The following SNTG1 variants were observed in gnomAD, a reference collection of about 807,000 sequenced individuals.
SNTG1 encodes syntrophin gamma 1.
A neutral mutation model predicts 74.7 loss-of-function variants in SNTG1; 39 were observed. The ratio of observed to expected loss-of-function variants is 0.52; its 90% confidence interval spans 0.40 to 0.68. The LOEUF is 0.68. SNTG1 is among the 30% of genes least tolerant of loss of function. The probability of loss-of-function intolerance (pLI) is 0.00; values close to 1 mark genes in which losing one functional copy is unlikely to be tolerated. For missense variants in SNTG1, 685 were observed against 609.5 expected (o/e 1.12, Z -1.30); for synonymous variants, 254 against 217.1 (o/e 1.17, Z -1.49).
intron 3 of SNTG1, among the ~76,000 whole-genome samples, 165 bp downstream of exon 3, chr8:50,394,430 A>T (rs1338611967): frequency 6.6e-6 from 1 of 152,160 alleles, no homozygotes; most frequent in Non-Finnish European, 1.5e-5. Context: ...AAGATAGAAA[A>T]CCTAACTGTG....
intron 2 of SNTG1, among the ~76,000 whole-genome samples, chr8:50,390,077 C>G (rs7012727): frequency 0.69 from 102,698 of 149,746 alleles, 35,444 homozygotes; most frequent in East Asian, 0.84. Flanking sequence ...TGCAGAAGCT[C>G]TTTACTTTAA....
intron 18 of SNTG1, among the ~76,000 whole-genome samples, chr8:50,775,495 C>T (rs1017534436): frequency 1.3e-5 from 2 of 151,650 alleles, no homozygotes; most frequent in Non-Finnish European, 3.0e-5. Context: ...AACACACCTT[C>T]TATGACTTTA....
intron 2 of SNTG1, among the ~76,000 whole-genome samples, chr8:50,364,636 T>C (rs1377411833): frequency 1.3e-5 from 2 of 152,108 alleles, no homozygotes; most frequent in Non-Finnish European, 2.9e-5. Context: ...CATTATTATA[T>C]TGGCTGTAAA....
intron 13 of SNTG1, among the ~76,000 whole-genome samples, chr8:50,592,765 T>C (rs1315576846): frequency 6.6e-6 from 1 of 152,194 alleles, no homozygotes; most frequent in Non-Finnish European, 1.5e-5. Context: ...CAGATTTTAT[T>C]TCAATTATCT....
chr8:49,916,225 T>C (rs536699241), intron 1 of SNTG1, among the ~76,000 whole-genome samples: 17 of 151,712 alleles, frequency 1.1e-4, no homozygotes, highest in Middle Eastern at 3.4e-3. Flanking sequence ...CCAGAAACAG[T>C]CAAAAACATA....
intron 18 of SNTG1, chr8:50,762,468 T>C (rs1585731813): frequency 3.0e-6 from 1 of 327,884 alleles, no homozygotes; most frequent in East Asian, 7.5e-5. Context: ...TGTTTTGTAA[T>C]AAATAAGGCA....
chr8:50,708,587 A>G (rs1490156058), intron 16 of SNTG1: 2 of 288,394 alleles, frequency 6.9e-6, no homozygotes, highest in Non-Finnish European at 6.3e-6. Context: ...ATTATATACC[A>G]CCTTTATTGT....
At chr8:50,303,818 G>C (rs1375392863) in intron 2 of SNTG1, among the ~76,000 whole-genome samples, 1 of 152,058 alleles carries the variant, frequency 6.6e-6, no homozygotes, top group Non-Finnish European at 1.5e-5. Context: ...TCATTTCAGA[G>C]TCAAGAATTA....
At chr8:49,922,591 A>G (rs1806650914) in intron 1 of SNTG1, among the ~76,000 whole-genome samples, 1 of 152,024 alleles carries the variant, frequency 6.6e-6, no homozygotes, top group South Asian at 2.1e-4. Flanking sequence ...AGGAGGGACA[A>G]AGGAGATGAT....
chr8:49,959,734 T>C (rs1810511263), intron 1 of SNTG1, among the ~76,000 whole-genome samples: 1 of 152,208 alleles, frequency 6.6e-6, no homozygotes, highest in South Asian at 2.1e-4. Flanking sequence ...TTTGGGCTAT[T>C]ATGAATAATG....
chr8:50,430,744 T>C (rs988630035), intron 4 of SNTG1, among the ~76,000 whole-genome samples: 1 of 152,184 alleles, frequency 6.6e-6, no homozygotes, highest in Non-Finnish European at 1.5e-5. Flanking sequence ...AGGGTGTATA[T>C]GCTCCAGCAA....
chr8:50,430,569 C>A (rs529768474), intron 4 of SNTG1, among the ~76,000 whole-genome samples: 3 of 152,238 alleles, frequency 2.0e-5, no homozygotes, highest in African/African-American at 7.2e-5. Context: ...CCCCCACATG[C>A]TGAAGAAGCC....
At chr8:50,131,075 AAC>A (rs35688637) in intron 1 of SNTG1, among the ~76,000 whole-genome samples, 30,988 of 151,972 alleles carry the variant, frequency 0.2, 3,271 homozygotes, top group South Asian at 0.36. Flanking sequence ...GAGCATGAAA[AAC>A]ACAGAGAAAA....
At chr8:50,510,948 T>C (rs1388997154) in intron 9 of SNTG1, among the ~76,000 whole-genome samples, 1 of 152,086 alleles carries the variant, frequency 6.6e-6, no homozygotes, top group Non-Finnish European at 1.5e-5. Flanking sequence ...TATTTCTTGC[T>C]TTCTGCTAAC....
At position 50,374,119 on chromosome 8, in the gene SNTG1, T is replaced by C. The variant is rs79461788; in HGVS notation, c.-27-20093T>C. ...GGTGAAGGACCCTGAACAAAACACA[T>C]AGCCAATGGCATTCTGCCACAATTT... On this transcript the variant is annotated intron_variant, in intron 2 of 18. Coordinates refer to ENST00000642720, the MANE Select transcript of SNTG1 (RefSeq NM_018967.5). Among the ~76,000 whole-genome samples, 70 of 152,350 alleles carry C rather than the reference T, an allele frequency of 4.6e-4. No individual in the cohort carries two copies. The East Asian group carries it at 9.2e-3, about 20-fold the overall frequency.
chr8:50,245,734 A>T (rs866634445), intron 2 of SNTG1, among the ~76,000 whole-genome samples: 22 of 152,042 alleles, frequency 1.4e-4, no homozygotes, highest in African/African-American at 5.1e-4. Flanking sequence ...TGTAAAATAG[A>T]TGTAAAGTCC....
At chr8:49,911,382 C>T (rs1454832007), upstream of SNTG1, 2 of 151,892 alleles carry the variant, frequency 1.3e-5, no homozygotes, top group Admixed American at 1.3e-4. Flanking sequence ...TGTATGTGCG[C>T]GCCCCTGTGC....
intron 13 of SNTG1, among the ~76,000 whole-genome samples, chr8:50,645,250 A>G (rs1037748980): frequency 1.1e-4 from 16 of 150,692 alleles, no homozygotes; most frequent in Non-Finnish European, 2.2e-4. Flanking sequence ...CCTCTCTTCA[A>G]TTGTGTATAA....
intron 8 of SNTG1, among the ~76,000 whole-genome samples, chr8:50,461,498 C>G (rs186819646): frequency 1.3e-5 from 2 of 151,732 alleles, no homozygotes; most frequent in Admixed American, 6.6e-5. Flanking sequence ...ATTCTGTTAA[C>G]ATAGATTTAT....
Sources: allele counts gnomAD v4.1 joint callset (sites outside exome capture counted in the v4.1 genomes callset), GRCh38; gene constraint gnomAD v4.1.1; transcripts MANE v1.5; gene names NCBI Gene and HGNC (gene_info 2026-07-23, HGNC 2026-07-21).